Variants in ZNF510 observed in about 807,000 individuals in gnomAD.
ZNF510 encodes zinc finger protein 510.
ZNF510 carries 15 observed loss-of-function variants against 18.1 expected under a neutral mutation model. That is an observed-to-expected ratio of 0.83 (90% confidence interval 0.55 to 1.28). ZNF510 has a LOEUF of 1.28. Ranked by LOEUF, ZNF510 falls within the 50% of genes most tolerant of loss-of-function variation. The pLI, the probability that ZNF510 is intolerant of heterozygous loss-of-function variation, is 0.00. For synonymous variants in ZNF510, 261 were observed against 266.4 expected (o/e 0.98, Z 0.20); for missense variants, 724 against 791.8 (o/e 0.91, Z 1.03).
chr9:96,766,074 A>G (rs1232705356), intron 3 of ZNF510, among the ~76,000 whole-genome samples: 3 of 152,218 alleles, frequency 2.0e-5, no homozygotes, highest in Middle Eastern at 3.4e-3. Context: ...GCTTAACCCC[A>G]TATTTCTCCT....
chr9:96,758,555 G>C lies in ZNF510; in HGVS notation c.*223C>G. 2.0e-6 allele frequency: 1 copy of C among 510,694 alleles called. No homozygotes were observed. The highest frequency in any genetic ancestry group is 3.6e-5 in the Admixed American group (1 of 27,530). The allele number at this position is 510,694 out of a possible 1,614,324, so 31.6% of individuals were successfully genotyped here. ...TATCCATAGTACTCTGAAAACAGAA[G>C]CCTGTCTGAATTCTTTGATACACTC... On this transcript the variant is annotated 3_prime_UTR_variant, in exon 6 of 6. Transcript: ENST00000223428.
chr9:96,759,041 C>CA lies in ZNF510; in HGVS notation c.1788_1789insT (p.Glu597Ter). On this transcript the variant is annotated frameshift_variant, in exon 6 of 6. Transcript: ENST00000223428. LOFTEE classifies it low-confidence loss of function (END_TRUNC). ...CATTCATTACATTTAAATGGTTTCT[C>CA]CCCAGTGTGAATTCTTTGATGCACT... 6.2e-7 allele frequency: 1 copy of CA among 1,613,890 alleles called. No homozygotes were observed. Among genetic ancestry groups the CA allele is most frequent in the Non-Finnish European group, 8.5e-7 (1 of 1,179,950 alleles).
chr9:96,762,204 T>TAAAAAAAA (rs551652153), intron 5 of ZNF510, among the ~76,000 whole-genome samples: 2 of 99,460 alleles, frequency 2.0e-5, no homozygotes. Flanking sequence ...CTGTGGAAAT[T>TAAAAAAAA]AAAAAAAAAA....
intron 3 of ZNF510, among the ~76,000 whole-genome samples, chr9:96,774,330 T>C (rs2118068568): frequency 6.6e-6 from 1 of 151,758 alleles, no homozygotes; most frequent in Non-Finnish European, 1.5e-5. Flanking sequence ...TGAAAAACTG[T>C]ATTAATAAAA....
At position 96,770,596 on chromosome 9, in the gene ZNF510, T is replaced by A. The variant is rs532756763; in HGVS notation, c.129+4192A>T. ...CCAGCCTGAGCGACAAGAGCAAAAC[T>A]CTGTCTCAAAAAAAAAATATATATA... On this transcript the variant is annotated intron_variant, in intron 3 of 5. Transcript: ENST00000223428. 6.4e-5 allele frequency among the ~76,000 whole-genome samples: 9 copies of A among 140,476 alleles called. No individual in the cohort carries two copies. The South Asian group carries it at 1.5e-3, about 23-fold the overall frequency. 92.2% of individuals were successfully genotyped at this position (140,476 alleles called of 152,430 possible).
chr9:96,764,160 T>C (rs773983898), intron 3 of ZNF510, among the ~76,000 whole-genome samples: 3 of 151,610 alleles, frequency 2.0e-5, no homozygotes, highest in Admixed American at 2.0e-4. Context: ...TATAAATAGA[T>C]ACATTACTAA....
At chr9:96,771,797 G>A (rs10978904) in intron 3 of ZNF510, among the ~76,000 whole-genome samples, 7,458 of 149,442 alleles carry the variant, frequency 0.05, 585 homozygotes, top group African/African-American at 0.18. Context: ...AAAATCCATC[G>A]TATTTTAATA....
chr9:96,769,540 G>T (rs1849543879), intron 3 of ZNF510, among the ~76,000 whole-genome samples: 1 of 151,892 alleles, frequency 6.6e-6, no homozygotes, highest in African/African-American at 2.4e-5. Context: ...TATGACCTTG[G>T]ATTTGGCAAT....
intron 3 of ZNF510, among the ~76,000 whole-genome samples, chr9:96,766,573 A>G (rs1406007261): frequency 6.7e-6 from 1 of 150,356 alleles, no homozygotes; most frequent in East Asian, 1.9e-4. Context: ...AAAAGACATA[A>G]TTAACCAACC....
intron 3 of ZNF510, among the ~76,000 whole-genome samples, chr9:96,772,004 T>A (rs1030962922): frequency 1.1e-4 from 17 of 152,218 alleles, no homozygotes; most frequent in African/African-American, 3.9e-4. Context: ...AAATAGTAAA[T>A]AAATTCACAA....
rs1849261531 is a variant in ZNF510 at position 96,758,937 on chromosome 9, A to T, written c.1893T>A (p.Asn631Lys). 6.2e-7 allele frequency: 1 copy of T among 1,613,958 alleles called. No individual in the cohort carries two copies. The highest frequency in any genetic ancestry group is 2.2e-5 in the East Asian group (1 of 44,884). The change falls in exon 6 of 6, where the codon AAT becomes AAA. Residue 631 changes from asparagine to lysine, a missense_variant. By Grantham distance (94) the Asn-to-Lys change is moderately conservative. Coordinates refer to ENST00000223428, the MANE Select transcript of ZNF510 (RefSeq NM_014930.3). ...IHTGEKPFQC[N>K]KCGKTFGQKS... ...TCTGGCCAAAAGTTTTCCCACATTT[A>T]TTACACTGAAAGGGTTTCTCCCCTG...
chr9:96,759,296 C>T lies in ZNF510; in HGVS notation c.1534G>A (p.Gly512Arg). 1.2e-6 allele frequency: 2 copies of T among 1,614,066 alleles called. No homozygotes were observed. Among genetic ancestry groups the T allele is most frequent in the South Asian group, 2.2e-5 (2 of 91,050 alleles). The change falls in exon 6 of 6, where the codon GGG becomes AGG. Residue 512 changes from glycine (G) to arginine (R), a missense_variant. Physicochemically the swap from Gly to Arg is moderately radical, Grantham distance 125. Transcript: ENST00000223428. ...TLRDHHRIHT[G>R]EKSFQCNQCG... ...TGATTGCATTGAAAGGATTTCTCCC[C>T]TGTGTGAATTCTGTGATGATCTCTG...
intron 3 of ZNF510, among the ~76,000 whole-genome samples, chr9:96,768,588 C>A (rs1189121222): frequency 6.6e-6 from 1 of 151,984 alleles, no homozygotes; most frequent in Non-Finnish European, 1.5e-5. Context: ...GAAAACAATT[C>A]CACTTACAAT....
In ZNF510 at chr9:96,755,830, T is replaced by C. The variant is rs919781740; in HGVS notation, c.*2948A>G. 9.9e-5 allele frequency: 15 copies of C among 152,196 alleles called. No homozygotes were observed. Among genetic ancestry groups the C allele is most frequent in the African/African-American group, 3.6e-4 (15 of 41,448 alleles). 9.4% of individuals were successfully genotyped at this position (152,196 alleles called of 1,614,324 possible). A position where few individuals can be genotyped will look rare whatever the true frequency, so the allele number is the denominator to read the frequency against. ...TTTATCCAGAAGGAAAAAAGTTTTG[T>C]AAATTCTTATATCCAATGACATCAA... On this transcript the variant is annotated 3_prime_UTR_variant, in exon 6 of 6. Coordinates refer to ENST00000223428, the MANE Select transcript of ZNF510 (RefSeq NM_014930.3).
chr9:96,766,292 G>A (rs10115780), intron 3 of ZNF510, among the ~76,000 whole-genome samples: 7,430 of 151,104 alleles, frequency 0.049, 583 homozygotes, highest in African/African-American at 0.17. Flanking sequence ...ATATAGAACA[G>A]GAGTCAGTGA....
At chr9:96,771,781 A>G (rs748512905) in intron 3 of ZNF510, among the ~76,000 whole-genome samples, 1 of 152,102 alleles carries the variant, frequency 6.6e-6, no homozygotes, top group Non-Finnish European at 1.5e-5. Flanking sequence ...TAAGATCAAT[A>G]CTAAAAAAAT....
chr9:96,762,841 T>G (rs1330837920), intron 5 of ZNF510: 3 of 223,714 alleles, frequency 1.3e-5, no homozygotes, highest in African/African-American at 6.9e-5. Flanking sequence ...TCGCAGAAGT[T>G]CTTTACATTT....
Position 96,758,830 on chromosome 9 carries a change from T to G in ZNF510, c.2000A>C (p.Lys667Thr), listed in dbSNP as rs1301635902. Residue 667 changes from lysine to threonine, a missense_variant, in exon 6 of 6, where the codon AAG (lysine) becomes ACG (threonine). Coordinates refer to ENST00000223428, the MANE Select transcript of ZNF510 (RefSeq NM_014930.3). ...ECNEYGKLCK[K>T]STLSLYQKIQ... ...TTTCTGGTATAAGCTTAGGGTAGACTTCTTACATAATTTCCCATATTCATT... is the reference window on the plus strand; with the variant it reads ...TTTCTGGTATAAGCTTAGGGTAGACGTCTTACATAATTTCCCATATTCATT... The G allele has an allele frequency of 6.2e-7, 1 of 1,612,584 alleles. No individual in the cohort carries two copies. Among genetic ancestry groups the G allele is most frequent in the African/African-American group, 1.3e-5 (1 of 74,860 alleles).
chr9:96,766,639 A>C (rs1849478719), intron 3 of ZNF510, among the ~76,000 whole-genome samples: 2 of 150,286 alleles, frequency 1.3e-5, no homozygotes, highest in Admixed American at 1.3e-4. Context: ...TTTCCTTTGC[A>C]CATTAAAAAA....
Sources: gnomAD v4.1 joint callset for allele counts (sites outside exome capture counted in the v4.1 genomes callset) on GRCh38, gnomAD v4.1.1 for gene constraint, MANE v1.5 for transcripts, NCBI Gene and HGNC (gene_info 2026-07-23, HGNC 2026-07-21) for gene names.